STAM2: variants seen among roughly 807,000 people sequenced by gnomAD.
STAM2 encodes signal transducing adaptor molecule 2, also known as signal transducing adapter molecule 2.
STAM2 carries 51 observed loss-of-function variants against 65.6 expected under a neutral mutation model. That is an observed-to-expected ratio of 0.78 (90% CI 0.62 to 0.98). STAM2 has a LOEUF of 0.98. Among genes scored for constraint, STAM2 ranks in the 50% least tolerant of loss-of-function variants. The pLI is 0.00. For missense variants in STAM2, 584 were observed against 617.8 expected (o/e 0.95, Z 0.58); for synonymous variants, 198 against 208.4 (o/e 0.95, Z 0.43).
intron 1 of STAM2, among the ~76,000 whole-genome samples, chr2:152,167,644 C>T (rs528920596): frequency 2.5e-4 from 38 of 152,210 alleles, no homozygotes; most frequent in Admixed American, 5.9e-4. Flanking sequence ...CCTATAATCC[C>T]AGCACTTTGG....
chr2:152,169,329 T>C (rs1453637179), intron 1 of STAM2, among the ~76,000 whole-genome samples: 2 of 152,174 alleles, frequency 1.3e-5, no homozygotes, highest in East Asian at 3.9e-4. Flanking sequence ...CAGGCTGGAG[T>C]GCAGTGATGC....
intron 1 of STAM2, among the ~76,000 whole-genome samples, chr2:152,168,660 C>G (rs934930405): frequency 1.3e-5 from 2 of 152,156 alleles, no homozygotes; most frequent in African/African-American, 4.8e-5. Context: ...TTTAAACCAT[C>G]AATATCAGCT....
chr2:152,134,032 A>G (rs996778181), intron 8 of STAM2, among the ~76,000 whole-genome samples: 1 of 152,172 alleles, frequency 6.6e-6, no homozygotes, highest in East Asian at 1.9e-4. Context: ...TAAACACAAA[A>G]GTTTTTCATG....
chr2:152,128,427 A>C (rs946997109), intron 11 of STAM2, among the ~76,000 whole-genome samples: 1 of 152,062 alleles, frequency 6.6e-6, no homozygotes. Context: ...TAAAAAAAAA[A>C]AAAATCAGTT....
Position 152,175,689 on chromosome 2 carries a change from GCAACTGCTA to G in STAM2, c.-56_-48del. 2 of 1,586,206 alleles carry G rather than the reference GCAACTGCTA, an allele frequency of 1.3e-6. No individual in the cohort carries two copies. Among genetic ancestry groups the G allele is most frequent in the Middle Eastern group, 1.7e-4 (1 of 6,024 alleles). ...GTCGCTGCTGTCTAGCTGACACTCAGCAACTGCTACCCGCCGGGTGACCCGCGGCCGCGG... is the reference window on the plus strand; with the variant it reads ...GTCGCTGCTGTCTAGCTGACACTCAGCCCGCCGGGTGACCCGCGGCCGCGG... On this transcript the variant is annotated 5_prime_UTR_variant, in exon 1 of 14. Coordinates refer to ENST00000263904, the MANE Select transcript of STAM2 (RefSeq NM_005843.6).
rs747989940 is a variant in STAM2, at chr2:152,123,828, T to A, written c.1287A>T (p.Arg429Ser). ...AGGAATTCACATTTGGAGGCAGAGATCTCAGTGGACCAATTTGATCGGGTC... is the reference window on the plus strand; with the variant it reads ...AGGAATTCACATTTGGAGGCAGAGAACTCAGTGGACCAATTTGATCGGGTC... ...SLGPDQIGPL[R>S]SLPPNVNSSV... is the part of the protein sequence containing the mutation. The change falls in exon 13 of 14, where the codon AGA becomes AGT. Residue 429 changes from arginine to serine, a missense_variant. Physicochemically the swap from Arg to Ser is moderately radical, Grantham distance 110. Transcript: ENST00000263904. 1 of 1,614,000 alleles carries A rather than the reference T, an allele frequency of 6.2e-7. No homozygotes were observed. The highest frequency in any genetic ancestry group is 2.2e-5 in the East Asian group (1 of 44,884).
intron 1 of STAM2, among the ~76,000 whole-genome samples, chr2:152,152,110 T>A (rs1472970426): frequency 6.6e-6 from 1 of 152,088 alleles, no homozygotes; most frequent in Non-Finnish European, 1.5e-5. Context: ...CCAACTAAGT[T>A]TCGTATTTTT....
chr2:152,137,397 C>A (rs1463869782), intron 7 of STAM2, among the ~76,000 whole-genome samples: 1 of 152,184 alleles, frequency 6.6e-6, no homozygotes, highest in African/African-American at 2.4e-5. Flanking sequence ...TGCTTGCTAG[C>A]TATTCAGATT....
chr2:152,145,002 AAACAC>A (rs748673864), intron 5 of STAM2, 45 bp from the exon 6 acceptor site: 21 of 1,412,538 alleles, frequency 1.5e-5, no homozygotes, highest in Non-Finnish European at 2.1e-5. Flanking sequence ...TTTTCAAACA[AAACAC>A]AAGCTCCATA....
intron 11 of STAM2, among the ~76,000 whole-genome samples, chr2:152,131,075 C>T (rs1689053613): frequency 6.6e-6 from 1 of 151,362 alleles, no homozygotes; most frequent in South Asian, 2.1e-4. Context: ...AATACAAGGA[C>T]AAGAAATGAA....
intron 7 of STAM2, among the ~76,000 whole-genome samples, chr2:152,138,262 T>C (rs1027857060): frequency 1.3e-5 from 2 of 152,136 alleles, no homozygotes; most frequent in Non-Finnish European, 2.9e-5. Context: ...TATATTCTTT[T>C]ATAGCTTTCA....
At chr2:152,122,076 A>G (rs10580213) in intron 13 of STAM2, among the ~76,000 whole-genome samples, 34,478 of 103,262 alleles carry the variant, frequency 0.33, 4,919 homozygotes, top group African/African-American at 0.45. Flanking sequence ...ATATATATAT[A>G]TGTGTGTGTG....
At chr2:152,145,054 A>G (rs1689313410) in intron 5 of STAM2, 97 bp from the exon 6 acceptor site, 2 of 930,018 alleles carry the variant, frequency 2.2e-6, no homozygotes, top group Admixed American at 1.9e-5. Flanking sequence ...AAATACTGAT[A>G]TAACTGAGTT....
rs116623527 is a variant in STAM2 at position 152,135,023 on chromosome 2, T to C, written c.799+486A>G. Among the ~76,000 whole-genome samples the C allele has an allele frequency of 9.4e-3, 1,425 of 152,306 alleles. 15 individuals carry two copies. Among genetic ancestry groups the C allele is most frequent in the Non-Finnish European group, 0.012 (809 of 68,030 alleles). On this transcript the variant is annotated intron_variant, in intron 8 of 13. Coordinates refer to ENST00000263904, the MANE Select transcript of STAM2 (RefSeq NM_005843.6). Reference sequence around the variant, plus strand: ...TGGCTTGATTACATTACTTTGTTGTTATTGTTTCAAGCTCCCTAGGATCAA... The same window carrying C: ...TGGCTTGATTACATTACTTTGTTGTCATTGTTTCAAGCTCCCTAGGATCAA...
At chr2:152,135,390 A>G (rs374989224) in intron 8 of STAM2, 119 bp downstream of exon 8, 19 of 719,402 alleles carry the variant, frequency 2.6e-5, no homozygotes, top group African/African-American at 1.3e-4. Flanking sequence ...TGTCATGCCT[A>G]TAAAGAAATG....
At chr2:152,122,277 C>T (rs1234495707) in intron 13 of STAM2, among the ~76,000 whole-genome samples, 5 of 151,486 alleles carry the variant, frequency 3.3e-5, no homozygotes, top group Non-Finnish European at 5.9e-5. Flanking sequence ...AAATTAATAA[C>T]ATTAGCTGGG....
chr2:152,131,962 C>A (rs1202009376), intron 11 of STAM2, 152 bp downstream of exon 11: 2 of 576,262 alleles, frequency 3.5e-6, no homozygotes. Flanking sequence ...AAAAGCACCA[C>A]CTTGCTATAA....
rs377339422 is a variant in STAM2 at position 152,174,533 on chromosome 2, C to T, written c.40+1070G>A. 9.9e-5 allele frequency among the ~76,000 whole-genome samples: 15 copies of T among 152,262 alleles called. No individual in the cohort carries two copies. In the East Asian group the frequency reaches 1.9e-3, roughly 20 times the overall value. On this transcript the variant is annotated intron_variant, in intron 1 of 13. Transcript: ENST00000263904. ...TAAAATGGCTTAGGGGATTACACAA[C>T]GTATCAGAATAGGGCACTTTCTACA...
intron 2 of STAM2, among the ~76,000 whole-genome samples, chr2:152,148,989 C>T (rs986870333): frequency 4.6e-5 from 7 of 152,300 alleles, no homozygotes; most frequent in Non-Finnish European, 7.4e-5. Context: ...TGTGAATGTA[C>T]TATGAAAAGC....
Sources: allele counts gnomAD v4.1 joint callset (sites outside exome capture counted in the v4.1 genomes callset), GRCh38; gene constraint gnomAD v4.1.1; transcripts MANE v1.5; gene names NCBI Gene and HGNC (gene_info 2026-07-23, HGNC 2026-07-21).